PM20D2: variants seen among roughly 807,000 people sequenced by gnomAD.
PM20D2 encodes the protein peptidase M20 domain containing 2.
Under a neutral mutation model 42.9 loss-of-function variants are expected in PM20D2, and 33 were observed. The ratio of observed to expected loss-of-function variants is 0.77; its 90% confidence interval spans 0.58 to 1.03. The LOEUF (loss-of-function observed/expected upper bound fraction) is 1.03. PM20D2 is among the 50% of genes least tolerant of loss of function. The probability of loss-of-function intolerance (pLI) is 0.00; values close to 1 mark genes in which losing one functional copy is unlikely to be tolerated. For missense variants in PM20D2, 548 were observed against 557.0 expected (o/e 0.98, Z 0.16); for synonymous variants, 250 against 228.2 (o/e 1.10, Z -0.86).
chr6:89,150,392 G>A (rs906863059), intron 2 of PM20D2, among the ~76,000 whole-genome samples: 3 of 152,102 alleles, frequency 2.0e-5, no homozygotes, highest in Non-Finnish European at 4.4e-5. Context: ...GAAGGGGCCT[G>A]CATATGCAGG....
At chr6:89,139,240 T>TA in the PM20D2 span, among the ~76,000 whole-genome samples, 3 of 68,382 alleles carry the variant, frequency 4.4e-5, no homozygotes, top group African/African-American at 1.1e-4. Flanking sequence ...AGCTAGTTTT[T>TA]AAATTTTTTT....
At chr6:89,103,309 T>A in the PM20D2 span, among the ~76,000 whole-genome samples, 1 of 152,000 alleles carries the variant, frequency 6.6e-6, no homozygotes, top group African/African-American at 2.4e-5. Context: ...TGTAATGCAT[T>A]TAGAAACAAT....
rs758498787 is a variant in PM20D2, at chr6:89,162,138, C to T, written c.1186C>T (p.Arg396Trp). Residue 396 changes from arginine to tryptophan, a missense_variant, in exon 7 of 7, where the codon CGG (arginine) becomes TGG (tryptophan). Arg to Trp is a moderately radical substitution (Grantham distance 101, BLOSUM62 -3). This residue lies in a region of PM20D2 where 71 missense variants were observed against 69.7 expected (regional missense o/e 1.02). Coordinates refer to ENST00000275072, the MANE Select transcript of PM20D2 (RefSeq NM_001010853.3). ...ACAGGAAGCTCAGTTCTACACTCTG[C>T]GGACGGCCAAAGCTCTGGCAATGAC... ...GSQEAQFYTLRTAKALAMTAL... is the reference protein window; with the variant it reads ...GSQEAQFYTLWTAKALAMTAL... The T allele has an allele frequency of 9.3e-6, 15 of 1,613,968 alleles. No homozygotes were observed. The highest frequency in any genetic ancestry group is 2.2e-5 in the East Asian group (1 of 44,884).
chr6:89,103,742 G>A, the PM20D2 span, among the ~76,000 whole-genome samples: 1 of 151,710 alleles, frequency 6.6e-6, no homozygotes, highest in Non-Finnish European at 1.5e-5. Context: ...TTACAGGCGT[G>A]AGCCACTGCA....
At chr6:89,141,382 T>A (rs1051373755), upstream of PM20D2, among the ~76,000 whole-genome samples, 15 of 152,202 alleles carry the variant, frequency 9.9e-5, no homozygotes. Context: ...AATTATTTTT[T>A]AAAGACAGAG....
chr6:89,152,427 T>G (rs1770884583), intron 2 of PM20D2, among the ~76,000 whole-genome samples: 1 of 152,206 alleles, frequency 6.6e-6, no homozygotes, highest in African/African-American at 2.4e-5. Flanking sequence ...TTTTTTTAAT[T>G]GTATTAGAGC....
the PM20D2 span, among the ~76,000 whole-genome samples, chr6:89,095,198 CAAATCTAATTTTT>C: frequency 6.6e-6 from 1 of 152,130 alleles, no homozygotes; most frequent in African/African-American, 2.4e-5. Flanking sequence ...CTTTGGAAAA[CAAATCTAATTTTT>C]AAATCTAAGA....
the PM20D2 span, among the ~76,000 whole-genome samples, chr6:89,131,303 G>A: frequency 6.6e-6 from 1 of 152,080 alleles, no homozygotes; most frequent in Non-Finnish European, 1.5e-5. Context: ...TGTCACATTG[G>A]GGATTAGATA....
chr6:89,131,033 T>A, the PM20D2 span, among the ~76,000 whole-genome samples: 1 of 151,768 alleles, frequency 6.6e-6, no homozygotes, highest in Non-Finnish European at 1.5e-5. Context: ...GCTGAAAAGT[T>A]CAAGGTCAAG....
At chr6:89,158,120 G>A (rs430804) in intron 4 of PM20D2, among the ~76,000 whole-genome samples, 125,825 of 152,132 alleles carry the variant, frequency 0.83, 52,817 homozygotes, top group East Asian at 1. Flanking sequence ...TGTATATATA[G>A]CATAAAAGAG....
the PM20D2 span, among the ~76,000 whole-genome samples, chr6:89,110,319 G>C: frequency 6.6e-6 from 1 of 152,140 alleles, no homozygotes. Flanking sequence ...AGTGGGAGCA[G>C]GCTCAAGCAA....
At chr6:89,161,405 G>A (rs1213430505) in intron 5 of PM20D2, among the ~76,000 whole-genome samples, 1 of 152,184 alleles carries the variant, frequency 6.6e-6, no homozygotes. Context: ...TCATCGTCAG[G>A]TAGAGGGGGC....
At position 89,164,197 on chromosome 6, in the gene PM20D2, T is replaced by C. The variant is rs1270903285; in HGVS notation, c.*1934T>C. The C allele has an allele frequency of 6.6e-6, 1 of 152,238 alleles. No individual in the cohort carries two copies. The highest frequency in any genetic ancestry group is 2.4e-5 in the African/African-American group (1 of 41,472). The allele number at this position is 152,238 out of a possible 1,614,324, so 9.4% of individuals were successfully genotyped here. A position where few individuals can be genotyped will look rare whatever the true frequency, so the allele number is the denominator to read the frequency against. ...GATAAACTAGAATATTTTATGTTTA[T>C]GAATACTTGTATAAACTTAAAAGTG... On this transcript the variant is annotated 3_prime_UTR_variant, in exon 7 of 7. Coordinates refer to ENST00000275072, the MANE Select transcript of PM20D2 (RefSeq NM_001010853.3).
intron 1 of PM20D2, among the ~76,000 whole-genome samples, chr6:89,148,827 A>T (rs752359747): frequency 6.6e-6 from 1 of 152,178 alleles, no homozygotes; most frequent in Non-Finnish European, 1.5e-5. Flanking sequence ...CACCTACCTC[A>T]CAGGGTTGTT....
intron 1 of PM20D2, 144 bp downstream of exon 1, chr6:89,146,753 TCCTCG>T: frequency 1.6e-6 from 1 of 644,296 alleles, no homozygotes. Context: ...AAACCTGCGG[TCCTCG>T]CCTCGGCGCA....
chr6:89,115,076 G>A, the PM20D2 span, among the ~76,000 whole-genome samples: 4 of 151,758 alleles, frequency 2.6e-5, no homozygotes, highest in African/African-American at 9.7e-5. Context: ...GATTATAGGC[G>A]TGAGCCACCA....
chr6:89,117,962 A>G, the PM20D2 span: 43 of 1,456,356 alleles, frequency 3.0e-5, no homozygotes, highest in Non-Finnish European at 3.9e-5. Context: ...CGCTGCTACC[A>G]CCACAGGAGC....
chr6:89,113,691 C>T, the PM20D2 span, among the ~76,000 whole-genome samples: 2 of 151,960 alleles, frequency 1.3e-5, no homozygotes, highest in African/African-American at 2.4e-5. Context: ...CTCTCACCCC[C>T]GGAGTGCAGT....
At chr6:89,099,413 TAC>T in the PM20D2 span, among the ~76,000 whole-genome samples, 1 of 140,032 alleles carries the variant, frequency 7.1e-6, no homozygotes, top group African/African-American at 2.8e-5. Context: ...CATATATATA[TAC>T]ATATATATAT....
Sources: allele counts gnomAD v4.1 joint callset (sites outside exome capture counted in the v4.1 genomes callset), GRCh38; gene constraint gnomAD v4.1.1; regional missense constraint gnomAD v4.1.1; transcripts MANE v1.5; gene names NCBI Gene and HGNC (gene_info 2026-07-23, HGNC 2026-07-21).